Variants in ANGEL1 observed in about 807,000 individuals in gnomAD.
The protein encoded by ANGEL1 is angel homolog 1.
A neutral mutation model predicts 76.4 loss-of-function variants in ANGEL1; 62 were observed. That is an observed-to-expected ratio of 0.81 (90% CI 0.66 to 1.00). The LOEUF is 1.00. ANGEL1 is among the 50% of genes least tolerant of loss of function. The pLI is 0.00. For missense variants in ANGEL1, 737 were observed against 836.7 expected, an observed-to-expected ratio of 0.88 and a Z score of 1.47; for synonymous variants, 340 against 331.7, an observed-to-expected ratio of 1.03 and a Z score of -0.27.
intron 1 of ANGEL1, among the ~76,000 whole-genome samples, chr14:76,811,683 G>C (rs2140233996): frequency 6.6e-6 from 1 of 152,210 alleles, no homozygotes; most frequent in South Asian, 2.1e-4. Flanking sequence ...CTTCTGTGGA[G>C]TTTCCCACAT....
intron 7 of ANGEL1, among the ~76,000 whole-genome samples, chr14:76,798,584 T>A (rs1352908261): frequency 6.6e-6 from 1 of 152,222 alleles, no homozygotes; most frequent in Non-Finnish European, 1.5e-5. Context: ...AGAAATCATT[T>A]ATAATAGAAA....
chr14:76,793,911 C>T (rs1399403798), intron 7 of ANGEL1, among the ~76,000 whole-genome samples: 2 of 152,094 alleles, frequency 1.3e-5, no homozygotes, highest in African/African-American at 4.8e-5. Flanking sequence ...TGAATGTGGT[C>T]GCTCTCTCCC....
At chr14:76,790,174 A>G (rs547331529) in intron 9 of ANGEL1, among the ~76,000 whole-genome samples, 11 of 152,204 alleles carry the variant, frequency 7.2e-5, no homozygotes, top group Non-Finnish European at 1.2e-4. Flanking sequence ...TGGCCATAAC[A>G]GTAATACACA....
chr14:76,803,613 G>A, intron 6 of ANGEL1, 132 bp from the exon 7 acceptor site: 1 of 1,352,216 alleles, frequency 7.4e-7, no homozygotes, highest in Non-Finnish European at 1.0e-6. Context: ...TTTTCCAAAG[G>A]CTATGATTTA....
At position 76,791,293 on chromosome 14, in the gene ANGEL1, T is replaced by C. The variant is rs201471357; in HGVS notation, c.1688+4A>G. On this transcript the variant is annotated splice_donor_region_variant and intron_variant, in intron 8 of 9. Coordinates refer to ENST00000251089, the MANE Select transcript of ANGEL1 (RefSeq NM_015305.4). ...GAAAACAGAAGAGAACTGGAGAAGG[T>C]TACCTGGAGAAGGCAGGCTCAAGCT... The C allele has an allele frequency of 1.8e-5, 29 of 1,614,010 alleles. No individual in the cohort carries two copies. Among genetic ancestry groups the C allele is most frequent in the African/African-American group, 4.0e-5 (3 of 75,020 alleles).
intron 9 of ANGEL1, among the ~76,000 whole-genome samples, chr14:76,789,698 T>A (rs1894341776): frequency 6.6e-6 from 1 of 151,218 alleles, no homozygotes; most frequent in Non-Finnish European, 1.5e-5. Context: ...AATCTGATTT[T>A]TTTTTTTTTT....
intron 7 of ANGEL1, among the ~76,000 whole-genome samples, chr14:76,801,383 A>G (rs1318661293): frequency 6.6e-6 from 1 of 152,118 alleles, no homozygotes; most frequent in African/African-American, 2.4e-5. Context: ...AGATGCTGGG[A>G]CTATAGGTGT....
chr14:76,797,071 C>A (rs537331315), intron 7 of ANGEL1, among the ~76,000 whole-genome samples: 1 of 152,164 alleles, frequency 6.6e-6, no homozygotes, highest in African/African-American at 2.4e-5. Context: ...CTACTCTGCT[C>A]CAGGTCACAT....
At chr14:76,802,591 A>T (rs1894798424) in intron 7 of ANGEL1, among the ~76,000 whole-genome samples, 1 of 152,048 alleles carries the variant, frequency 6.6e-6, no homozygotes, top group Non-Finnish European at 1.5e-5. Context: ...ATATGGCTTG[A>T]TCCTTGATCA....
At chr14:76,808,219 G>T in intron 2 of ANGEL1, 71 bp from the exon 3 acceptor site, 1 of 1,321,218 alleles carries the variant, frequency 7.6e-7, no homozygotes, top group Non-Finnish European at 1.1e-6. Flanking sequence ...CTCCACTCCT[G>T]ACTCAGTAAT....
At chr14:76,793,372 GGGAAAGAGGAGAGGGGAGA>G (rs1894463693) in intron 7 of ANGEL1, among the ~76,000 whole-genome samples, 1 of 103,394 alleles carries the variant, frequency 9.7e-6, no homozygotes, top group Non-Finnish European at 2.0e-5. Flanking sequence ...AAGAGGAGAG[GGGAAAGAGGAGAGGGGAGA>G]GGAGGGGAGA....
rs1209606951 is a variant in ANGEL1, at chr14:76,786,523, C to G, written c.*2705G>C. ...CGCAACCCAGGTAGTGCAATGGAAGCAACCAAGTGGCTTTAAATCAATCAG... is the reference window on the plus strand; with the variant it reads ...CGCAACCCAGGTAGTGCAATGGAAGGAACCAAGTGGCTTTAAATCAATCAG... On this transcript the variant is annotated 3_prime_UTR_variant, in exon 10 of 10. Coordinates refer to ENST00000251089, the MANE Select transcript of ANGEL1 (RefSeq NM_015305.4). 6.6e-6 allele frequency: 1 copy of G among 152,238 alleles called. No homozygotes were observed. The highest frequency in any genetic ancestry group is 2.4e-5 in the African/African-American group (1 of 41,432). 9.4% of individuals were successfully genotyped at this position (152,238 alleles called of 1,614,324 possible).
chr14:76,793,404 GGATAAAAGGAAAGAGGA>G (rs1894472601), intron 7 of ANGEL1, among the ~76,000 whole-genome samples: 2 of 39,762 alleles, frequency 5.0e-5, no homozygotes, highest in Non-Finnish European at 1.2e-4. Context: ...AGGGGAGAGG[GGATAAAAGGAAAGAGGA>G]GAGGGGAGGA....
intron 7 of ANGEL1, among the ~76,000 whole-genome samples, chr14:76,791,597 C>T (rs558788168): frequency 2.0e-5 from 3 of 152,168 alleles, no homozygotes; most frequent in African/African-American, 7.2e-5. Context: ...TGGCTCCTCA[C>T]CTTTGTTTTT....
intron 7 of ANGEL1, among the ~76,000 whole-genome samples, chr14:76,800,940 T>G (rs968194992): frequency 1.3e-5 from 2 of 149,606 alleles, no homozygotes. Flanking sequence ...ACCACTACAC[T>G]CCAGTCTGGA....
At chr14:76,794,548 G>A (rs1478426746) in intron 7 of ANGEL1, among the ~76,000 whole-genome samples, 1 of 151,884 alleles carries the variant, frequency 6.6e-6, no homozygotes, top group African/African-American at 2.4e-5. Context: ...GTGGGTGCCT[G>A]TAATCCCAGC....
chr14:76,806,996 AG>A, intron 4 of ANGEL1, 147 bp from the exon 5 acceptor site: 1 of 922,962 alleles, frequency 1.1e-6, no homozygotes, highest in Non-Finnish European at 1.6e-6. Context: ...TTGGTTCAGC[AG>A]GTTCCCCCTT....
chr14:76,809,586 A>T lies in ANGEL1; in HGVS notation c.122T>A (p.Val41Glu). The change falls in exon 2 of 10, where the codon GTA becomes GAA. Residue 41 changes from valine (V) to glutamate (E), a missense_variant. Transcript: ENST00000251089. ...VLLANSSSPQ[V>E]EGDFAMAPRG... ...AGGGGCCATGGCAAAGTCGCCCTCT[A>T]CCTGGGGGGATGAGCTGTTCGCCAG... 1 of 1,614,074 alleles carries T rather than the reference A, an allele frequency of 6.2e-7. No individual in the cohort carries two copies. The highest frequency in any genetic ancestry group is 8.5e-7 in the Non-Finnish European group (1 of 1,180,016).
rs1207768816 is a variant in ANGEL1 at position 76,809,237 on chromosome 14, C to T, written c.471G>A (p.Gln157=). ...WAAIPMQSEP[Q]YADCAALPVG... ...CTGGGAGGGCAGCACAGTCTGCATACTGGGGCTCCGACTGCATGGGGATAG... is the reference window on the plus strand; with the variant it reads ...CTGGGAGGGCAGCACAGTCTGCATATTGGGGCTCCGACTGCATGGGGATAG... The change falls in exon 2 of 10, where the codon CAG becomes CAA. Residue 157 remains glutamine, a synonymous_variant. Coordinates refer to ENST00000251089, the MANE Select transcript of ANGEL1 (RefSeq NM_015305.4). The T allele has an allele frequency of 2.5e-6, 4 of 1,613,172 alleles. No homozygotes were observed.
Sources: gnomAD v4.1 joint callset for allele counts (sites outside exome capture counted in the v4.1 genomes callset) on GRCh38, gnomAD v4.1.1 for gene constraint, MANE v1.5 for transcripts, NCBI Gene and HGNC (gene_info 2026-07-23, HGNC 2026-07-21) for gene names.